The following TRIM49 variants were observed in gnomAD, a reference collection of about 807,000 sequenced individuals.
TRIM49 encodes the protein tripartite motif-containing protein 49.
In TRIM49, 5 loss-of-function variants were observed where a neutral mutation model predicts 27.4. That is an observed-to-expected ratio of 0.18 (90% CI 0.10 to 0.38). The LOEUF (loss-of-function observed/expected upper bound fraction) is 0.38, where lower values mean the gene tolerates loss of function less well. Ranked by LOEUF, TRIM49 falls within the 10% of genes least tolerant of loss-of-function variation. The probability of loss-of-function intolerance (pLI) is 1.00; values close to 1 mark genes in which losing one functional copy is unlikely to be tolerated. For missense variants in TRIM49, 188 were observed against 487.5 expected, an observed-to-expected ratio of 0.39 and a Z score of 5.79; for synonymous variants, 69 against 166.0, an observed-to-expected ratio of 0.42 and a Z score of 4.49.
intron 1 of TRIM49, 27 bp from the exon 2 acceptor site, chr11:89,807,311 T>C (rs1164778943): frequency 6.6e-6 from 1 of 151,466 alleles, no homozygotes; most frequent in African/African-American, 2.4e-5. Flanking sequence ...CACCTCTTTA[T>C]GGGTATTTAG....
the TRIM49 span, among the ~76,000 whole-genome samples, chr11:89,769,047 T>C: frequency 4.5e-5 from 6 of 134,644 alleles, 1 homozygote; most frequent in Non-Finnish European, 9.1e-5. Context: ...CCAGGTGTGG[T>C]GGTGCATGCT....
chr11:89,792,502 C>T, the TRIM49 span, among the ~76,000 whole-genome samples: 1 of 151,850 alleles, frequency 6.6e-6, no homozygotes, highest in South Asian at 2.1e-4. Flanking sequence ...AAGTAAAGCA[C>T]TCCTCAGCAA....
the TRIM49 span, chr11:89,777,078 C>G: frequency 6.5e-7 from 1 of 1,550,240 alleles, no homozygotes; most frequent in Non-Finnish European, 8.7e-7. Flanking sequence ...GTGGGCACAG[C>G]TTTTGCAGGC....
At chr11:89,782,854 GT>G in the TRIM49 span, among the ~76,000 whole-genome samples, 2 of 120,718 alleles carry the variant, frequency 1.7e-5, no homozygotes, top group Non-Finnish European at 3.6e-5. Flanking sequence ...TACAACATAA[GT>G]TCTTTTTTTA....
At chr11:89,805,952 T>A (rs1326812998) in intron 2 of TRIM49, among the ~76,000 whole-genome samples, 3 of 150,912 alleles carry the variant, frequency 2.0e-5, no homozygotes, top group Middle Eastern at 3.4e-3. Flanking sequence ...ACTTCTGGCC[T>A]CAAGTGATCT....
chr11:89,768,348 A>G, the TRIM49 span: 1 of 1,239,494 alleles, frequency 8.1e-7, no homozygotes, highest in African/African-American at 2.1e-5. Context: ...AATAGATTCC[A>G]ACAGAAAATG....
the TRIM49 span, among the ~76,000 whole-genome samples, chr11:89,769,197 A>C: frequency 2.3e-5 from 3 of 128,568 alleles, no homozygotes; most frequent in African/African-American, 1.2e-4. Flanking sequence ...CAAACAAAGA[A>C]TCAAAGAAAC....
the TRIM49 span, among the ~76,000 whole-genome samples, chr11:89,774,121 C>T: frequency 3.0e-3 from 445 of 149,532 alleles, no homozygotes; most frequent in Non-Finnish European, 5.0e-3. Flanking sequence ...ATGCCTCAGC[C>T]TCCCAAGTAG....
the TRIM49 span, among the ~76,000 whole-genome samples, chr11:89,780,118 A>G: frequency 9.4e-3 from 1,037 of 110,376 alleles, 73 homozygotes; most frequent in African/African-American, 0.029. Flanking sequence ...GAGGAGGGAT[A>G]TTTTGCTCCT....
intron 4 of TRIM49, 145 bp downstream of exon 4, chr11:89,803,553 G>C: frequency 6.7e-7 from 1 of 1,483,402 alleles, no homozygotes; most frequent in East Asian, 2.4e-5. Flanking sequence ...TAAAAATGAG[G>C]CCACTTTTTC....
the TRIM49 span, among the ~76,000 whole-genome samples, chr11:89,791,111 G>A: frequency 1.3e-5 from 2 of 150,932 alleles, no homozygotes; most frequent in Non-Finnish European, 2.9e-5. Context: ...ACAATCTTCA[G>A]TAGCTGATTC....
chr11:89,796,216 T>C (rs1443523228), downstream of TRIM49, among the ~76,000 whole-genome samples: 11 of 152,026 alleles, frequency 7.2e-5, no homozygotes, highest in South Asian at 2.1e-4. Context: ...AATATATTGG[T>C]TTGTGTTATA....
downstream of TRIM49, among the ~76,000 whole-genome samples, chr11:89,797,377 T>G (rs930750345): frequency 2.8e-4 from 42 of 151,332 alleles, no homozygotes; most frequent in Non-Finnish European, 5.3e-4. Context: ...ATGAACTAAT[T>G]GTTTTAATTA....
chr11:89,790,750 C>G, the TRIM49 span, among the ~76,000 whole-genome samples: 11 of 151,674 alleles, frequency 7.3e-5, no homozygotes, highest in Admixed American at 2.0e-4. Flanking sequence ...CCCATCTGTA[C>G]GTCACCAGCA....
At chr11:89,770,798 G>A in the TRIM49 span, among the ~76,000 whole-genome samples, 14 of 143,852 alleles carry the variant, frequency 9.7e-5, no homozygotes, top group South Asian at 4.3e-4. Context: ...CCCGGGAGGC[G>A]GAGCTTGCAG....
chr11:89,789,973 G>T, the TRIM49 span, among the ~76,000 whole-genome samples: 1 of 149,222 alleles, frequency 6.7e-6, no homozygotes, highest in South Asian at 2.1e-4. Context: ...CCTCACCCAG[G>T]AAGTTCGAGG....
At chr11:89,787,938 C>G in the TRIM49 span, 1 of 360,122 alleles carries the variant, frequency 2.8e-6, no homozygotes, top group Admixed American at 4.0e-5. Flanking sequence ...CGTGTATTTC[C>G]GCGCTGTCTC....
the TRIM49 span, among the ~76,000 whole-genome samples, chr11:89,789,983 G>A: frequency 6.8e-6 from 1 of 147,990 alleles, no homozygotes; most frequent in Non-Finnish European, 1.5e-5. Context: ...GAAGTTCGAG[G>A]GGTCAGGGAA....
intron 1 of TRIM49, among the ~76,000 whole-genome samples, 169 bp from the exon 2 acceptor site, chr11:89,807,453 A>G (rs560479554): frequency 1.0e-3 from 154 of 151,536 alleles, no homozygotes; most frequent in African/African-American, 3.5e-3. Flanking sequence ...TATGTAACAT[A>G]AATCCTGTCA....
Sources: allele counts gnomAD v4.1 joint callset (sites outside exome capture counted in the v4.1 genomes callset), GRCh38; gene constraint gnomAD v4.1.1; transcripts MANE v1.5; gene names NCBI Gene and HGNC (gene_info 2026-07-23, HGNC 2026-07-21).